Variants in PGAP4 observed in about 807,000 individuals in gnomAD.
PGAP4 encodes the protein post-GPI attachment to proteins GalNAc transferase 4.
In PGAP4, 12 loss-of-function variants were observed where a neutral mutation model predicts 28.2. That is an observed-to-expected ratio of 0.42 (90% CI 0.27 to 0.69). The LOEUF (loss-of-function observed/expected upper bound fraction) is 0.69. PGAP4 is among the 30% of genes least tolerant of loss of function. PGAP4 has a pLI of 0.22. For missense variants in PGAP4, 425 were observed against 513.5 expected, an observed-to-expected ratio of 0.83 and a Z score of 1.67; for synonymous variants, 205 against 211.8, an observed-to-expected ratio of 0.97 and a Z score of 0.28.
rs1826626773 is a variant in PGAP4, at chr9:101,486,794, G to A, written c.-78+155C>T. On this transcript the variant is annotated intron_variant, in intron 1 of 1. Coordinates refer to ENST00000374848, the MANE Select transcript of PGAP4 (RefSeq NM_032342.3). This position sits in a 1 kb window ranked among gnomAD's most constrained non-coding sequence, Gnocchi z 4.7. ...CCGCCTGCCCGAGGCGCACTGCCCG[G>A]GGCACAGGCCCTCTGCGATGACTCT... 6.6e-6 allele frequency among the ~76,000 whole-genome samples: 1 copy of A among 152,202 alleles called. No individual in the cohort carries two copies. The highest frequency in any genetic ancestry group is 6.5e-5 in the Admixed American group (1 of 15,290).
At chr9:101,495,153 TTATATATTTTATATATATTA>T (rs1826728102) in intron 2 of PGAP4, among the ~76,000 whole-genome samples, 1 of 93,536 alleles carries the variant, frequency 1.1e-5, no homozygotes, top group Non-Finnish European at 2.1e-5. Flanking sequence ...TTTATATATA[TTATATATTTTATATATATTA>T]TATATATTTT....
chr9:101,519,384 C>G (rs59770438), intron 2 of PGAP4, among the ~76,000 whole-genome samples: 22,139 of 152,082 alleles, frequency 0.15, 1,714 homozygotes, highest in East Asian at 0.24. Context: ...GTCTTGAACT[C>G]TTGAGCTCAG....
At position 101,477,116 on chromosome 9, in the gene PGAP4, G is replaced by C. The variant is rs762194874; in HGVS notation, c.-24C>G. On this transcript the variant is annotated 5_prime_UTR_variant, in exon 2 of 2. Transcript: ENST00000374848. ...ATGAGGTCAACTTTTGTTCATGTCT[G>C]GTCCCAAGAAAAAACCATCCTGGAA... 1.3e-6 allele frequency: 2 copies of C among 1,528,118 alleles called. No homozygotes were observed. Among genetic ancestry groups the C allele is most frequent in the African/African-American group, 2.8e-5 (2 of 72,064 alleles). The allele number at this position is 1,528,118 out of a possible 1,614,324, so 94.7% of individuals were successfully genotyped here.
Position 101,477,054 on chromosome 9 carries a change from C to T in PGAP4, c.39G>A (p.Arg13=). 1 of 1,606,600 alleles carries T rather than the reference C, an allele frequency of 6.2e-7. No individual in the cohort carries two copies. The highest frequency in any genetic ancestry group is 8.5e-7 in the Non-Finnish European group (1 of 1,177,046). The change falls in exon 2 of 2, where the codon CGG becomes CGA. Residue 13 remains arginine, a synonymous_variant. Transcript: ENST00000374848. ...TGCCCCAGGAGAGTCGCCGCAGCCTCCGGAGGAGCATGGCAGCTGGAGAGG... is the reference window on the plus strand; with the variant it reads ...TGCCCCAGGAGAGTCGCCGCAGCCTTCGGAGGAGCATGGCAGCTGGAGAGG... ...TSTSPAAMLL[R]RLRRLSWGST... is the part of the protein sequence containing the mutation.
chr9:101,512,973 T>C (rs1264470473), intron 2 of PGAP4, among the ~76,000 whole-genome samples: 1 of 152,178 alleles, frequency 6.6e-6, no homozygotes, highest in Non-Finnish European at 1.5e-5. Context: ...CTGAATTTTA[T>C]AGTAGCATTA....
At chr9:101,518,934 T>G (rs997493991) in intron 2 of PGAP4, among the ~76,000 whole-genome samples, 1 of 152,196 alleles carries the variant, frequency 6.6e-6, no homozygotes, top group African/African-American at 2.4e-5. Context: ...CCACCAGCAG[T>G]GTAGAAGTGT....
At chr9:101,526,580 G>C (rs1242449439) in intron 2 of PGAP4, among the ~76,000 whole-genome samples, 6 of 152,260 alleles carry the variant, frequency 3.9e-5, no homozygotes, top group Non-Finnish European at 8.8e-5. Context: ...CTCCCAAGTA[G>C]CTGAGACTAC....
intron 2 of PGAP4, among the ~76,000 whole-genome samples, chr9:101,518,398 A>G (rs1032805926): frequency 9.9e-5 from 15 of 152,232 alleles, no homozygotes; most frequent in African/African-American, 2.4e-5. Context: ...TATACACTGC[A>G]CCATATTTGT....
intron 1 of PGAP4, among the ~76,000 whole-genome samples, chr9:101,483,534 G>C (rs996065938): frequency 1.5e-4 from 23 of 152,114 alleles, no homozygotes; most frequent in African/African-American, 5.5e-4. Flanking sequence ...TGGAGCCCAG[G>C]AAAATCAACT....
rs141618575 is a variant in PGAP4, at chr9:101,513,152, T to C, written c.-165+18196A>G. The stretch of plus-strand genomic sequence containing the variant: ...CCACAAACATTTTATCAAAGACACA[T>C]ACAGACTGTGTGCTGAGCAGTGGCT... On this transcript the variant is annotated intron_variant, in intron 2 of 3. Transcript: ENST00000374851. Among the ~76,000 whole-genome samples the C allele has an allele frequency of 2.6e-5, 4 of 152,136 alleles. No homozygotes were observed. The East Asian group carries it at 7.7e-4, about 29-fold the overall frequency.
At position 101,476,376 on chromosome 9, in the gene PGAP4, A is replaced by G; in HGVS notation, c.717T>C (p.Asp239=). The G allele has an allele frequency of 6.2e-7, 1 of 1,614,070 alleles. No individual in the cohort carries two copies. Among genetic ancestry groups the G allele is most frequent in the Admixed American group, 1.7e-5 (1 of 60,016 alleles). The change falls in exon 2 of 2, where the codon GAT becomes GAC. Residue 239 remains aspartate, a synonymous_variant. Coordinates refer to ENST00000374848, the MANE Select transcript of PGAP4 (RefSeq NM_032342.3). The surrounding 1 kb of genome is among the most constrained non-coding windows in gnomAD (Gnocchi z 7.0). ...RARFSEPHLR[D]ALYLKLYHPE... is the part of the protein sequence containing the mutation. ...GGTGATACAGCTTGAGATAAAGGGC[A>G]TCTCTGAGATGTGGCTCAGAGAAGC...
chr9:101,476,621 G>C lies in PGAP4; in HGVS notation c.472C>G (p.Leu158Val), dbSNP rs769273708. 16 of 1,614,096 alleles carry C rather than the reference G, an allele frequency of 9.9e-6. No individual in the cohort carries two copies. The highest frequency in any genetic ancestry group is 1.7e-5 in the Admixed American group (1 of 60,006). Residue 158 changes from leucine (L) to valine (V), a missense_variant, in exon 2 of 2, where the codon CTC (leucine) becomes GTC (valine). By Grantham distance (32) the Leu-to-Val change is conservative. Transcript: ENST00000374848. This position sits in a 1 kb window ranked among gnomAD's most constrained non-coding sequence, Gnocchi z 7.0. ...TTGGCCACAGGGACATACTTGGAGA[G>C]CAACTTGGCATCAAAATGGCTCACA... The part of the protein sequence containing the change: ...RSVSHFDAKL[L>V]SKYVPVANRY...
At chr9:101,501,365 C>G (rs1448266603) in intron 2 of PGAP4, among the ~76,000 whole-genome samples, 1 of 152,020 alleles carries the variant, frequency 6.6e-6, no homozygotes, top group Non-Finnish European at 1.5e-5. Flanking sequence ...AACATGGTAC[C>G]ACGGAAAGTG....
upstream of PGAP4, among the ~76,000 whole-genome samples, chr9:101,487,548 G>A (rs529072000): frequency 3.9e-5 from 6 of 152,302 alleles, no homozygotes; most frequent in South Asian, 1.2e-3. Flanking sequence ...AAAAGATACG[G>A]AATGATCCGA....
chr9:101,483,634 T>C (rs1826544182), intron 1 of PGAP4, among the ~76,000 whole-genome samples: 1 of 152,060 alleles, frequency 6.6e-6, no homozygotes, highest in Non-Finnish European at 1.5e-5. Flanking sequence ...ATAGCAAGTA[T>C]ATATACACAT....
Position 101,476,017 on chromosome 9 carries a change from C to T in PGAP4, c.1076G>A (p.Gly359Asp), listed in dbSNP as rs369593197. 2 of 1,614,186 alleles carry T rather than the reference C, an allele frequency of 1.2e-6. No individual in the cohort carries two copies. The highest frequency in any genetic ancestry group is 1.7e-6 in the Non-Finnish European group (2 of 1,180,034). Residue 359 changes from glycine (G) to aspartate (D), a missense_variant, in exon 2 of 2, where the codon GGC (glycine) becomes GAC (aspartate). By Grantham distance (94) the Gly-to-Asp change is moderately conservative (BLOSUM62 -1). Transcript: ENST00000374848. The surrounding 1 kb of genome is among the most constrained non-coding windows in gnomAD (Gnocchi z 7.0). ...TYLSQVYCHK[G>D]FGKDMALYSL... ...GTACAGTGCCATGTCCTTGCCAAAG[C>T]CCTTGTGGCAGTACACTTGGGACAG...
At chr9:101,504,381 A>T (rs1223060459) in intron 2 of PGAP4, among the ~76,000 whole-genome samples, 1 of 151,482 alleles carries the variant, frequency 6.6e-6, no homozygotes, top group African/African-American at 2.4e-5. Context: ...TCACTAATAA[A>T]AGCCAATTAC....
At chr9:101,528,833 G>A (rs1307795853) in intron 2 of PGAP4, among the ~76,000 whole-genome samples, 1 of 150,462 alleles carries the variant, frequency 6.6e-6, no homozygotes, top group African/African-American at 2.5e-5. Context: ...CACATGTGCA[G>A]TTTGTTACAT....
At chr9:101,518,945 T>A (rs1374947845) in intron 2 of PGAP4, among the ~76,000 whole-genome samples, 1 of 152,196 alleles carries the variant, frequency 6.6e-6, no homozygotes, top group Non-Finnish European at 1.5e-5. Flanking sequence ...GTAGAAGTGT[T>A]CCCTGTTCAC....
Sources: allele counts gnomAD v4.1 joint callset (sites outside exome capture counted in the v4.1 genomes callset), GRCh38; gene constraint gnomAD v4.1.1; non-coding constraint Gnocchi (gnomAD v3.1); transcripts MANE v1.5; gene names NCBI Gene and HGNC (gene_info 2026-07-23, HGNC 2026-07-21).